ALK: variants seen among roughly 807,000 people sequenced by gnomAD.
ALK encodes the protein ALK tyrosine kinase receptor.
ALK carries 74 observed loss-of-function variants against 163.1 expected under a neutral mutation model. That is an observed-to-expected ratio of 0.45 (90% CI 0.38 to 0.55). The LOEUF (loss-of-function observed/expected upper bound fraction) is 0.55. Among genes scored for constraint, ALK ranks in the 20% least tolerant of loss-of-function variants. The probability of loss-of-function intolerance (pLI) is 0.00; values close to 1 mark genes in which losing one functional copy is unlikely to be tolerated. For synonymous variants in ALK, 960 were observed against 843.2 expected, an observed-to-expected ratio of 1.14 and a Z score of -2.40; for missense variants, 2,063 against 2,105.3, an observed-to-expected ratio of 0.98 and a Z score of 0.39.
chr2:29,373,873 G>A (rs1668691211), intron 5 of ALK, among the ~76,000 whole-genome samples: 1 of 152,144 alleles, frequency 6.6e-6, no homozygotes, highest in South Asian at 2.1e-4. Flanking sequence ...ACTCCTTTGT[G>A]TGGCACAAAG....
chr2:29,196,730 A>G (rs1380794210), intron 28 of ALK, 40 bp downstream of exon 28: 2 of 1,444,712 alleles, frequency 1.4e-6, no homozygotes, highest in South Asian at 1.1e-5. Context: ...AGACTGTTTC[A>G]TATAGAGTAA....
intron 4 of ALK, among the ~76,000 whole-genome samples, chr2:29,499,678 C>T (rs1417327343): frequency 6.6e-6 from 1 of 152,162 alleles, no homozygotes; most frequent in Non-Finnish European, 1.5e-5. Flanking sequence ...CCCCAGCTCT[C>T]CTCTTCCAAC....
intron 1 of ALK, among the ~76,000 whole-genome samples, chr2:29,720,841 C>T (rs1039832076): frequency 6.6e-6 from 1 of 152,074 alleles, no homozygotes; most frequent in Non-Finnish European, 1.5e-5. Context: ...TAGAGAAAGC[C>T]TTGTCTTTTC....
At chr2:29,868,758 G>C (rs1187121854) in intron 1 of ALK, among the ~76,000 whole-genome samples, 3 of 152,206 alleles carry the variant, frequency 2.0e-5, no homozygotes, top group Non-Finnish European at 1.5e-5. Flanking sequence ...ATGGGACTTT[G>C]ACATTCCTTC....
At chr2:29,210,781 G>A (rs965417532) in intron 24 of ALK, among the ~76,000 whole-genome samples, 1 of 152,216 alleles carries the variant, frequency 6.6e-6, no homozygotes, top group South Asian at 2.1e-4. Context: ...CTACATGGCT[G>A]AAGAATCGCT....
rs778797863 is a variant in ALK at position 29,193,428 on chromosome 2, G to T, written c.4659C>A (p.Ala1553=). The change falls in exon 29 of 29, where the codon GCC becomes GCA. Residue 1553 remains alanine (A), a synonymous_variant. Transcript: ENST00000389048. ...GCGAAGAGGGCTCTAGGAGCAGTGA[G>T]GCCCCCGGAAGTCTCCCAGTTGCAA... ...PNVATGRLPG[A]SLLLEPSSLT... 1.7e-5 allele frequency: 27 copies of T among 1,614,072 alleles called. No individual in the cohort carries two copies. In the Admixed American group the frequency reaches 2.0e-4, roughly 12 times the overall value.
intron 1 of ALK, among the ~76,000 whole-genome samples, chr2:29,837,115 T>C (rs371946780): frequency 2.0e-5 from 3 of 152,294 alleles, no homozygotes; most frequent in East Asian, 3.9e-4. Context: ...ACCACTGATA[T>C]TTTGAGAGTT....
intron 8 of ALK, among the ~76,000 whole-genome samples, chr2:29,300,943 A>G (rs1666350856): frequency 6.6e-6 from 1 of 152,188 alleles, no homozygotes; most frequent in East Asian, 1.9e-4. Context: ...GCAAGAAGTG[A>G]TGACTTTAAA....
rs367642503 is a variant in ALK, at chr2:29,226,959, G to C, written c.3030C>G (p.His1010Gln). The change falls in exon 18 of 29, where the codon CAC becomes CAG. Residue 1010 changes from histidine to glutamine, a missense_variant. His to Gln is a conservative substitution (Grantham distance 24). Transcript: ENST00000389048. ...ESHKVICFCD[H>Q]GTVLAEDGVS... ...CGCCATCCTCAGCCAGCACCGTCCC[G>C]TGGTCACAGAAGCAGATGACCTTGT... 1 of 1,614,068 alleles carries C rather than the reference G, an allele frequency of 6.2e-7. No individual in the cohort carries two copies. The highest frequency in any genetic ancestry group is 2.2e-5 in the East Asian group (1 of 44,892).
chr2:29,810,306 C>T (rs1664724510), intron 1 of ALK, among the ~76,000 whole-genome samples: 1 of 151,514 alleles, frequency 6.6e-6, no homozygotes, highest in South Asian at 2.1e-4. Flanking sequence ...CCTGTAATTC[C>T]AGCTACTCGG....
intron 23 of ALK, 81 bp downstream of exon 23, chr2:29,220,625 C>T (rs1042050431): frequency 3.1e-5 from 49 of 1,602,294 alleles, no homozygotes; most frequent in Non-Finnish European, 3.9e-5. Flanking sequence ...AACTTGCTAC[C>T]CAGGCTGCCC....
intron 4 of ALK, among the ~76,000 whole-genome samples, chr2:29,520,526 C>T (rs866588078): frequency 6.6e-6 from 1 of 152,174 alleles, no homozygotes; most frequent in African/African-American, 2.4e-5. Flanking sequence ...GCTGTGAGAA[C>T]ACTCATAGAG....
intron 15 of ALK, 69 bp downstream of exon 15, chr2:29,232,235 C>A: frequency 6.3e-7 from 1 of 1,592,766 alleles, no homozygotes; most frequent in Non-Finnish European, 8.6e-7. Context: ...CTCAGGCATG[C>A]GATGGCATCG....
At chr2:29,386,502 G>A (rs913964162) in intron 4 of ALK, among the ~76,000 whole-genome samples, 3 of 152,168 alleles carry the variant, frequency 2.0e-5, no homozygotes, top group African/African-American at 7.2e-5. Context: ...GAAAAATAAA[G>A]GACCTATTTT....
intron 4 of ALK, among the ~76,000 whole-genome samples, chr2:29,489,384 C>T (rs760409893): frequency 6.6e-6 from 1 of 152,142 alleles, no homozygotes; most frequent in East Asian, 1.9e-4. Context: ...CAGTGAGCCT[C>T]GACTTCCTGG....
intron 4 of ALK, among the ~76,000 whole-genome samples, chr2:29,459,026 G>A (rs1434579427): frequency 6.6e-6 from 1 of 152,038 alleles, no homozygotes; most frequent in African/African-American, 2.4e-5. Context: ...ATAAGTTCCT[G>A]GGACTCACCT....
intron 1 of ALK, among the ~76,000 whole-genome samples, chr2:29,811,249 C>A (rs1360429457): frequency 6.6e-6 from 1 of 151,938 alleles, no homozygotes. Flanking sequence ...CCCTTTGAAA[C>A]TGAAGAGCAC....
chr2:29,893,701 T>C (rs796839994), intron 1 of ALK, among the ~76,000 whole-genome samples: 6 of 152,260 alleles, frequency 3.9e-5, no homozygotes, highest in Admixed American at 2.0e-4. Flanking sequence ...ATGACTCAGT[T>C]ACGTAGATTA....
chr2:29,736,268 C>G (rs1374411200), intron 1 of ALK, among the ~76,000 whole-genome samples: 1 of 151,920 alleles, frequency 6.6e-6, no homozygotes, highest in Non-Finnish European at 1.5e-5. Context: ...AAGAAAATGC[C>G]TGGAAGGAAA....
Sources: gnomAD v4.1 joint callset for allele counts (sites outside exome capture counted in the v4.1 genomes callset) on GRCh38, gnomAD v4.1.1 for gene constraint, MANE v1.5 for transcripts, NCBI Gene and HGNC (gene_info 2026-07-23, HGNC 2026-07-21) for gene names.